The following LPIN2 variants were observed in gnomAD, a reference collection of about 807,000 sequenced individuals.
LPIN2 encodes phosphatidate phosphatase LPIN2.
A neutral mutation model predicts 111.4 loss-of-function variants in LPIN2; 55 were observed. The ratio of observed to expected loss-of-function variants is 0.49; its 90% confidence interval spans 0.40 to 0.62. LPIN2 has a LOEUF of 0.62. Ranked by LOEUF, LPIN2 falls within the 20% of genes least tolerant of loss-of-function variation. The pLI, the probability that LPIN2 is intolerant of heterozygous loss-of-function variation, is 0.00. For missense variants in LPIN2, 992 were observed against 1,112.1 expected (o/e 0.89, Z 1.54); for synonymous variants, 425 against 414.0 (o/e 1.03, Z -0.32).
Position 2,984,957 on chromosome 18 carries a change from C to A in LPIN2, c.-9-24108G>T, listed in dbSNP as rs78104562. The A allele has an allele frequency of 2.8e-4, 42 of 152,658 alleles. 2 individuals carry two copies. In the East Asian group the frequency reaches 7.9e-3, roughly 29 times the overall value. The allele number at this position is 152,658 out of a possible 1,614,324, so 9.5% of individuals were successfully genotyped here. On this transcript the variant is annotated intron_variant, in intron 1 of 19. Coordinates refer to ENST00000677752, the MANE Select transcript of LPIN2 (RefSeq NM_001375808.2). ...GGAGATCCAGCAGGGCAGAGGTCAG[C>A]GGGTAGAATTCTGTTCAGCAACTCT...
chr18:2,946,550 G>A, intron 4 of LPIN2: 2 of 1,442,564 alleles, frequency 1.4e-6, no homozygotes, highest in Non-Finnish European at 1.9e-6. Flanking sequence ...TTTTCCCACT[G>A]TCACAGGCAA....
intron 1 of LPIN2, among the ~76,000 whole-genome samples, chr18:3,012,355 A>C (rs2078618350): frequency 6.6e-6 from 1 of 152,190 alleles, no homozygotes; most frequent in African/African-American, 2.4e-5. Context: ...GTCATCTTGA[A>C]TTTTCAATGA....
Position 2,937,751 on chromosome 18 carries a change from G to C in LPIN2, c.1109C>G (p.Ala370Gly). The change falls in exon 7 of 20, where the codon GCG becomes GGG. Residue 370 changes from alanine to glycine, a missense_variant. By Grantham distance (60) the Ala-to-Gly change is moderately conservative. Transcript: ENST00000677752. ...DADHLPNAAL[A>G]EAPSESKPAA... is the part of the protein sequence containing the mutation. The stretch of plus-strand genomic sequence containing the variant: ...CGGTTTGGATTCTGAGGGCGCCTCC[G>C]CTAAGGCTGCGTTGGGAAGGTGGTC... 1 of 1,614,060 alleles carries C rather than the reference G, an allele frequency of 6.2e-7. No homozygotes were observed.
intron 5 of LPIN2, 31 bp from the exon 6 acceptor site, chr18:2,939,634 T>G: frequency 6.2e-7 from 1 of 1,609,574 alleles, no homozygotes. Context: ...CACGATGACT[T>G]GAAAGTCGGG....
intron 1 of LPIN2, among the ~76,000 whole-genome samples, chr18:3,001,003 TA>T (rs149977896): frequency 6.7e-6 from 1 of 150,172 alleles, no homozygotes. Context: ...AGAGAGAAAT[TA>T]AAAAGACTTG....
intron 16 of LPIN2, among the ~76,000 whole-genome samples, chr18:2,923,036 G>A (rs373316283): frequency 2.0e-5 from 3 of 152,198 alleles, no homozygotes; most frequent in South Asian, 4.2e-4. Flanking sequence ...GCCATGGCAC[G>A]GCTATCTTCC....
chr18:2,963,925 A>T (rs1185943103), intron 1 of LPIN2, among the ~76,000 whole-genome samples: 1 of 151,904 alleles, frequency 6.6e-6, no homozygotes, highest in Non-Finnish European at 1.5e-5. Flanking sequence ...TAACATCCCA[A>T]ATTCTTAAAC....
At chr18:2,926,205 C>A (rs1258091485) in intron 13 of LPIN2, among the ~76,000 whole-genome samples, 2 of 152,162 alleles carry the variant, frequency 1.3e-5, no homozygotes, top group Admixed American at 6.5e-5. Context: ...AGAAAATAAA[C>A]CCTCAGCCTT....
chr18:2,937,792 T>C lies in LPIN2; in HGVS notation c.1068A>G (p.Ser356=). The C allele has an allele frequency of 6.2e-7, 1 of 1,614,074 alleles. No individual in the cohort carries two copies. Among genetic ancestry groups the C allele is most frequent in the South Asian group, 1.1e-5 (1 of 91,074 alleles). The stretch of plus-strand genomic sequence containing the variant: ...GAAGGTGGTCAGCATCTAACATAGA[T>C]GAAATCTGAGTACTCTCAAGAGGAG... The part of the protein sequence containing the change: ...LEPPLESTQI[S]SMLDADHLPN... The change falls in exon 7 of 20, where the codon TCA becomes TCG. Residue 356 remains serine, a synonymous_variant. Coordinates refer to ENST00000677752, the MANE Select transcript of LPIN2 (RefSeq NM_001375808.2).
chr18:2,920,825 G>A lies in LPIN2; in HGVS notation c.2499C>T (p.Asn833=). 6.2e-7 allele frequency: 1 copy of A among 1,614,122 alleles called. No individual in the cohort carries two copies. Among genetic ancestry groups the A allele is most frequent in the Non-Finnish European group, 8.5e-7 (1 of 1,179,976 alleles). ...TTTCTTGTATTAATTCACCCTTGGG[G>A]TTCACGGTGAATATTCTACAGTCTG... ...GVPDCRIFTV[N]PKGELIQERT... Residue 833 remains asparagine, a synonymous_variant, in exon 19 of 20, where the codon AAC becomes AAT. Coordinates refer to ENST00000677752, the MANE Select transcript of LPIN2 (RefSeq NM_001375808.2).
At chr18:2,921,477 A>G (rs2077053086) in intron 18 of LPIN2, 56 bp downstream of exon 18, 1 of 1,317,116 alleles carries the variant, frequency 7.6e-7, no homozygotes, top group Non-Finnish European at 1.1e-6. Context: ...CACCCCACGA[A>G]GTACATCCCT....
intron 1 of LPIN2, among the ~76,000 whole-genome samples, chr18:3,002,610 A>AT (rs764684793): frequency 1.3e-5 from 2 of 152,366 alleles, no homozygotes; most frequent in Non-Finnish European, 2.9e-5. Flanking sequence ...CATGTTGTGC[A>AT]TAACATTTGT....
At chr18:2,928,983 A>G (rs1449141148) in intron 10 of LPIN2, 82 bp downstream of exon 10, 1 of 923,250 alleles carries the variant, frequency 1.1e-6, no homozygotes, top group East Asian at 2.4e-5. Context: ...AAGAAGGAAC[A>G]CTTTTATAAG....
At chr18:2,955,801 G>A (rs530995296) in intron 2 of LPIN2, among the ~76,000 whole-genome samples, 4 of 152,250 alleles carry the variant, frequency 2.6e-5, no homozygotes, top group African/African-American at 4.8e-5. Flanking sequence ...TGTAATCCCA[G>A]CTACTCGGGA....
At chr18:2,928,757 A>G in intron 10 of LPIN2, 97 bp from the exon 11 acceptor site, 1 of 903,194 alleles carries the variant, frequency 1.1e-6, no homozygotes, top group Non-Finnish European at 1.8e-6. Flanking sequence ...GAAGTGACAT[A>G]TAAAATTGCT....
At chr18:2,965,602 T>G (rs956990229) in intron 1 of LPIN2, among the ~76,000 whole-genome samples, 3 of 151,872 alleles carry the variant, frequency 2.0e-5, no homozygotes, top group Admixed American at 2.0e-4. Context: ...TCGTGACACA[T>G]GCCTGTAGCC....
intron 9 of LPIN2, 57 bp downstream of exon 9, chr18:2,931,199 C>G (rs1409735107): frequency 6.3e-7 from 1 of 1,575,842 alleles, no homozygotes; most frequent in African/African-American, 1.3e-5. Context: ...AAGTTTTAAC[C>G]AAGTGATGAC....
At chr18:3,004,587 T>C (rs951628812) in intron 1 of LPIN2, among the ~76,000 whole-genome samples, 1 of 152,148 alleles carries the variant, frequency 6.6e-6, no homozygotes, top group Non-Finnish European at 1.5e-5. Flanking sequence ...AGTCACAGTG[T>C]ACACTTACTC....
intron 4 of LPIN2, among the ~76,000 whole-genome samples, chr18:2,948,908 G>A (rs906468485): frequency 6.6e-6 from 1 of 151,794 alleles, no homozygotes; most frequent in African/African-American, 2.4e-5. Flanking sequence ...CCGCCTCCCA[G>A]GTTCAAGTGA....
Sources: gnomAD v4.1 joint callset for allele counts (sites outside exome capture counted in the v4.1 genomes callset) on GRCh38, gnomAD v4.1.1 for gene constraint, MANE v1.5 for transcripts, NCBI Gene and HGNC (gene_info 2026-07-23, HGNC 2026-07-21) for gene names.